MAP4: variants seen among roughly 807,000 people sequenced by gnomAD.
MAP4 encodes the protein microtubule-associated protein 4.
A neutral mutation model predicts 170.2 loss-of-function variants in MAP4; 76 were observed. The observed-to-expected ratio is 0.45, with a 90% CI of 0.37 to 0.54. The LOEUF is 0.54. Among genes scored for constraint, MAP4 ranks in the 20% least tolerant of loss-of-function variants. The pLI is 0.00. For missense variants in MAP4, 2,506 were observed against 2,748.0 expected (o/e 0.91, Z 1.97); for synonymous variants, 909 against 994.5 (o/e 0.91, Z 1.62).
intron 1 of MAP4, among the ~76,000 whole-genome samples, chr3:48,082,515 A>C (rs1192811039): frequency 6.6e-6 from 1 of 152,222 alleles, no homozygotes; most frequent in African/African-American, 2.4e-5. Flanking sequence ...CAAGTTATCA[A>C]AGTTAACAAG....
chr3:48,034,623 G>A (rs1392997985), intron 1 of MAP4, among the ~76,000 whole-genome samples: 2 of 152,114 alleles, frequency 1.3e-5, no homozygotes, highest in African/African-American at 4.8e-5. Flanking sequence ...AGAATCGCTT[G>A]AACCTGGAGG....
chr3:47,977,840 T>C (rs2100083086), intron 3 of MAP4, 25 bp downstream of exon 3: 7 of 1,547,152 alleles, frequency 4.5e-6, no homozygotes, highest in Non-Finnish European at 6.2e-6. Flanking sequence ...ACCTACACAT[T>C]TGGGGAATCC....
At chr3:47,925,861 C>G (rs1359773470) in intron 4 of MAP4, among the ~76,000 whole-genome samples, 1 of 152,008 alleles carries the variant, frequency 6.6e-6, no homozygotes, top group Non-Finnish European at 1.5e-5. Flanking sequence ...TACAATTCAG[C>G]GGAATTTTTT....
At position 47,857,470 on chromosome 3, in the gene MAP4, A is replaced by C; in HGVS notation, c.6544T>G (p.Ser2182Ala). 6.2e-7 allele frequency: 1 copy of C among 1,614,174 alleles called. No individual in the cohort carries two copies. Among genetic ancestry groups the C allele is most frequent in the South Asian group, 1.1e-5 (1 of 91,078 alleles). The change falls in exon 18 of 21, where the codon TCC (serine) becomes GCC (alanine). Residue 2182 changes from serine to alanine, a missense_variant. Coordinates refer to ENST00000683076, the MANE Select transcript of MAP4 (RefSeq NM_001385682.1). ...ATGTTAGCCTTAGACCCACACTTGG[A>C]GGAGACCTTAGAGATGTCCACTTTC... is the stretch of plus-strand genomic sequence containing the variant. ...NKKVDISKVS[S>A]KCGSKANIKH...
chr3:48,061,768 CA>C (rs2100135557), intron 1 of MAP4, among the ~76,000 whole-genome samples: 1 of 150,554 alleles, frequency 6.6e-6, no homozygotes. Flanking sequence ...CCCGCCCGGC[CA>C]GCCGCCCCGT....
chr3:47,901,908 T>C (rs1199812487), intron 10 of MAP4, among the ~76,000 whole-genome samples: 6 of 152,042 alleles, frequency 3.9e-5, no homozygotes, highest in African/African-American at 1.4e-4. Flanking sequence ...ACCTAGAATC[T>C]CAGCACTTTG....
chr3:48,019,370 A>G (rs2100109447), upstream of MAP4, among the ~76,000 whole-genome samples: 1 of 152,128 alleles, frequency 6.6e-6, no homozygotes, highest in Non-Finnish European at 1.5e-5. Context: ...AGAGAGAAAG[A>G]TATCAGCCAC....
intron 1 of MAP4, among the ~76,000 whole-genome samples, chr3:48,022,778 C>A (rs1272667922): frequency 2.6e-5 from 4 of 152,116 alleles, no homozygotes; most frequent in Non-Finnish European, 5.9e-5. Context: ...ATAGTCCCAG[C>A]TACTCAGGGG....
At chr3:48,072,051 T>G (rs1482429592) in intron 1 of MAP4, among the ~76,000 whole-genome samples, 2 of 151,254 alleles carry the variant, frequency 1.3e-5, no homozygotes, top group African/African-American at 4.9e-5. Flanking sequence ...ACATAAACAT[T>G]AGCCAGGCAT....
chr3:48,036,328 G>A (rs1367129958), intron 1 of MAP4, among the ~76,000 whole-genome samples: 1 of 152,076 alleles, frequency 6.6e-6, no homozygotes, highest in Non-Finnish European at 1.5e-5. Context: ...ATCCAGGCTG[G>A]GTAACCAGTT....
At chr3:47,957,664 G>GTT (rs2100068637) in intron 3 of MAP4, among the ~76,000 whole-genome samples, 1 of 152,154 alleles carries the variant, frequency 6.6e-6, no homozygotes, top group Non-Finnish European at 1.5e-5. Context: ...AAGAAATGCA[G>GTT]AAATGGGCTC....
At chr3:47,997,326 TAAA>T in intron 2 of MAP4, among the ~76,000 whole-genome samples, 7 of 44,990 alleles carry the variant, frequency 1.6e-4, no homozygotes, top group African/African-American at 5.7e-4. Context: ...TTTAAACTGC[TAAA>T]AAAAAAAAAA....
Position 47,970,813 on chromosome 3 carries a change from G to A in MAP4, c.292+7052C>T, listed in dbSNP as rs142007699. ...GCCTGGGCAACAAGGGCGAAACTTC[G>A]TCTCAAAAACAAAAACAAACAAAAA... is the stretch of plus-strand genomic sequence containing the variant. On this transcript the variant is annotated intron_variant, in intron 3 of 20. Coordinates refer to ENST00000683076, the MANE Select transcript of MAP4 (RefSeq NM_001385682.1). 2.8e-3 allele frequency among the ~76,000 whole-genome samples: 427 copies of A among 152,020 alleles called. 2 individuals are homozygous for A. Among genetic ancestry groups the A allele is most frequent in the Non-Finnish European group, 5.0e-3 (339 of 68,000 alleles).
At chr3:48,015,565 A>G (rs1228968520) in intron 1 of MAP4, among the ~76,000 whole-genome samples, 4 of 151,302 alleles carry the variant, frequency 2.6e-5, no homozygotes, top group African/African-American at 9.7e-5. Context: ...TCAACATCAG[A>G]TTTTTTTTTA....
chr3:47,908,373 T>C (rs979433194), intron 9 of MAP4, among the ~76,000 whole-genome samples: 1 of 152,204 alleles, frequency 6.6e-6, no homozygotes, highest in Non-Finnish European at 1.5e-5. Context: ...ACACAGACTA[T>C]GCCCAAAACT....
intron 1 of MAP4, among the ~76,000 whole-genome samples, chr3:48,012,808 T>C (rs956534465): frequency 5.3e-5 from 8 of 152,156 alleles, no homozygotes; most frequent in African/African-American, 1.9e-4. Context: ...TATGAGCACA[T>C]CTAGCTAGCC....
At chr3:47,906,606 C>G (rs1034782106) in intron 9 of MAP4, among the ~76,000 whole-genome samples, 7 of 151,518 alleles carry the variant, frequency 4.6e-5, no homozygotes, top group Non-Finnish European at 7.4e-5. Context: ...TCACTTGAAC[C>G]CAGGAGGCAG....
chr3:48,031,057 G>C (rs1471130654), intron 1 of MAP4, among the ~76,000 whole-genome samples: 1 of 151,416 alleles, frequency 6.6e-6, no homozygotes, highest in African/African-American at 2.4e-5. Flanking sequence ...AAAATGGGAG[G>C]GGGGGGTAAG....
chr3:47,915,729 C>T (rs1424613778), intron 7 of MAP4, among the ~76,000 whole-genome samples: 1 of 152,020 alleles, frequency 6.6e-6, no homozygotes, highest in Non-Finnish European at 1.5e-5. Context: ...GACTTATCTG[C>T]AAGAAAAACA....
Sources: allele counts gnomAD v4.1 joint callset (sites outside exome capture counted in the v4.1 genomes callset), GRCh38; gene constraint gnomAD v4.1.1; transcripts MANE v1.5; gene names NCBI Gene and HGNC (gene_info 2026-07-23, HGNC 2026-07-21).